HOMER1: variants seen among roughly 807,000 people sequenced by gnomAD.
HOMER1 encodes homer protein homolog 1.
In HOMER1, 3 loss-of-function variants were observed where a neutral mutation model predicts 48.9. The observed-to-expected ratio is 0.06, with a 90% CI of 0.03 to 0.16. The LOEUF (loss-of-function observed/expected upper bound fraction) is 0.16, where lower values mean the gene tolerates loss of function less well. HOMER1 is among the 10% of genes least tolerant of loss of function. HOMER1 has a pLI of 1.00. For synonymous variants in HOMER1, 134 were observed against 146.4 expected, an observed-to-expected ratio of 0.92 and a Z score of 0.61; for missense variants, 247 against 411.4, an observed-to-expected ratio of 0.60 and a Z score of 3.46.
rs1296078725 is a variant in HOMER1, at chr5:79,513,588, C to A, written c.-814G>T. 2.6e-5 allele frequency: 4 copies of A among 152,416 alleles called. No individual in the cohort carries two copies. The highest frequency in any genetic ancestry group is 9.6e-5 in the African/African-American group (4 of 41,458). The allele number at this position is 152,416 out of a possible 1,614,324, so 9.4% of individuals were successfully genotyped here. ...CCCACCTCCCTCAGCCCCTTCCCGC[C>A]CCCCGCCGCCGAGCACAATGGAGCC... On this transcript the variant is annotated 5_prime_UTR_variant, in exon 1 of 9. Transcript: ENST00000334082.
At chr5:79,484,554 A>G (rs1752042395) in intron 1 of HOMER1, among the ~76,000 whole-genome samples, 1 of 152,176 alleles carries the variant, frequency 6.6e-6, no homozygotes, top group Non-Finnish European at 1.5e-5. Context: ...TCTCTTAGAA[A>G]ATAAATTAAA....
At chr5:79,379,501 T>C (rs913346728) in intron 8 of HOMER1, among the ~76,000 whole-genome samples, 21 of 132,850 alleles carry the variant, frequency 1.6e-4, no homozygotes, top group Admixed American at 1.0e-3. Context: ...TAAATATTTA[T>C]ATACATTTAT....
chr5:79,503,725 CAAAAA>C (rs34548421), intron 1 of HOMER1, among the ~76,000 whole-genome samples: 1 of 123,078 alleles, frequency 8.1e-6, no homozygotes. Flanking sequence ...ACTCTGCCTC[CAAAAA>C]AAAAAAAAAA....
chr5:79,509,023 C>G (rs1034654949), intron 1 of HOMER1, among the ~76,000 whole-genome samples: 2 of 152,112 alleles, frequency 1.3e-5, no homozygotes, highest in Admixed American at 1.3e-4. Context: ...GCAATAAAAC[C>G]CATTTATAGT....
In HOMER1 at chr5:79,374,202, TATCTC is replaced by T. The variant is rs1298034481; in HGVS notation, c.*1802_*1806del. 6.6e-6 allele frequency: 1 copy of T among 152,428 alleles called. No individual in the cohort carries two copies. Among genetic ancestry groups the T allele is most frequent in the Non-Finnish European group, 1.5e-5 (1 of 67,872 alleles). 9.4% of individuals were successfully genotyped at this position (152,428 alleles called of 1,614,324 possible). ...TTTGTTACCTGATTTATCAGAGAAA[TATCTC>T]AGCTCTGAGCATGTGTATCTAAATT... On this transcript the variant is annotated 3_prime_UTR_variant, in exon 9 of 9. Transcript: ENST00000334082.
In HOMER1 at chr5:79,512,884, A is replaced by AG; in HGVS notation, c.-111dup. On this transcript the variant is annotated 5_prime_UTR_variant, in exon 1 of 9. Transcript: ENST00000334082. ...CAGTTGCTTTTCCACCCCCACCCCC[A>AG]GATCCTTGTCCGGAGGTATTTCAAG... 1.0e-6 allele frequency: 1 copy of AG among 966,626 alleles called. No individual in the cohort carries two copies. The highest frequency in any genetic ancestry group is 2.4e-5 in the East Asian group (1 of 40,908). The allele number at this position is 966,626 out of a possible 1,614,324, so 59.9% of individuals were successfully genotyped here.
At position 79,459,103 on chromosome 5, in the gene HOMER1, AT is replaced by A. The variant is rs1361485398; in HGVS notation, c.6-2086del. Among the ~76,000 whole-genome samples the A allele has an allele frequency of 5.3e-5, 8 of 152,290 alleles. No homozygotes were observed. In the East Asian group the frequency reaches 9.6e-4, roughly 18 times the overall value. On this transcript the variant is annotated intron_variant, in intron 1 of 8. Transcript: ENST00000334082. ...TATTCTTTACTAACTCGATTACTTG[AT>A]TTTTTTGTTGTTTTCATTTGGTAGG...
chr5:79,428,541 C>A (rs1750334826), intron 5 of HOMER1, among the ~76,000 whole-genome samples: 1 of 151,790 alleles, frequency 6.6e-6, no homozygotes. Context: ...ATAGAAAATC[C>A]TAAGGAACCC....
intron 1 of HOMER1, among the ~76,000 whole-genome samples, chr5:79,475,222 G>A (rs1751729086): frequency 6.7e-6 from 1 of 149,952 alleles, no homozygotes; most frequent in South Asian, 2.1e-4. Context: ...CTGAAGCATA[G>A]AGACAGTATA....
At chr5:79,412,283 T>A (rs1352244414) in intron 5 of HOMER1, among the ~76,000 whole-genome samples, 1 of 152,192 alleles carries the variant, frequency 6.6e-6, no homozygotes, top group Non-Finnish European at 1.5e-5. Context: ...CCTCACTTCC[T>A]ATTCCAGAAC....
At position 79,503,267 on chromosome 5, in the gene HOMER1, TCA is replaced by T. The variant is rs1752654890; in HGVS notation, c.5+9501_5+9502del. 2.6e-5 allele frequency among the ~76,000 whole-genome samples: 4 copies of T among 152,160 alleles called. No homozygotes were observed. The South Asian group carries it at 8.3e-4, about 32-fold the overall frequency. ...AGAAAAGCAGGCCAGGCATGGCGGC[TCA>T]CGCCTGTAATCCCTACACTTTGGGA... On this transcript the variant is annotated intron_variant, in intron 1 of 8. Coordinates refer to ENST00000334082, the MANE Select transcript of HOMER1 (RefSeq NM_004272.5).
At chr5:79,459,678 C>G (rs1751263041) in intron 1 of HOMER1, among the ~76,000 whole-genome samples, 1 of 152,140 alleles carries the variant, frequency 6.6e-6, no homozygotes, top group Non-Finnish European at 1.5e-5. Context: ...ATGTAGGATC[C>G]AGATGGTCCC....
intron 5 of HOMER1, among the ~76,000 whole-genome samples, chr5:79,420,432 G>A (rs1281760380): frequency 6.6e-6 from 1 of 152,132 alleles, no homozygotes; most frequent in Non-Finnish European, 1.5e-5. Flanking sequence ...CTGGAAGGAT[G>A]AGTTATGTAT....
chr5:79,504,342 A>G (rs1456618274), intron 1 of HOMER1, among the ~76,000 whole-genome samples: 1 of 152,016 alleles, frequency 6.6e-6, no homozygotes, highest in Non-Finnish European at 1.5e-5. Flanking sequence ...TTTTAATGTT[A>G]AAAGCCATGA....
intron 5 of HOMER1, among the ~76,000 whole-genome samples, chr5:79,414,570 G>A (rs1361579553): frequency 6.7e-6 from 1 of 149,812 alleles, no homozygotes; most frequent in African/African-American, 2.5e-5. Context: ...GTAGCGAGGG[G>A]GTCTTGTTAT....
chr5:79,377,464 C>T (rs1748805948), intron 8 of HOMER1, among the ~76,000 whole-genome samples: 1 of 152,160 alleles, frequency 6.6e-6, no homozygotes, highest in Non-Finnish European at 1.5e-5. Flanking sequence ...TATATCCGTT[C>T]TGGAAAGCTC....
At chr5:79,451,448 A>G (rs893070763) in intron 2 of HOMER1, among the ~76,000 whole-genome samples, 1 of 151,244 alleles carries the variant, frequency 6.6e-6, no homozygotes, top group Non-Finnish European at 1.5e-5. Flanking sequence ...TTAATTTTGG[A>G]TGATAATCAC....
intron 1 of HOMER1, chr5:79,510,905 T>C (rs1289588117): frequency 1.6e-6 from 1 of 644,438 alleles, no homozygotes; most frequent in African/African-American, 1.8e-5. Flanking sequence ...TAGATATCTC[T>C]ATCTGCCAAC....
At chr5:79,463,337 TAC>T (rs1344170612) in intron 1 of HOMER1, among the ~76,000 whole-genome samples, 1 of 152,194 alleles carries the variant, frequency 6.6e-6, no homozygotes, top group African/African-American at 2.4e-5. Context: ...TCACAGACAG[TAC>T]ACATGTAAGA....
Sources: gnomAD v4.1 joint callset for allele counts (sites outside exome capture counted in the v4.1 genomes callset) on GRCh38, gnomAD v4.1.1 for gene constraint, MANE v1.5 for transcripts, NCBI Gene and HGNC (gene_info 2026-07-23, HGNC 2026-07-21) for gene names.